CBR4: variants seen among roughly 807,000 people sequenced by gnomAD.
CBR4 encodes the protein carbonyl reductase 4, also known as 3-oxoacyl-[acyl-carrier-protein] reductase.
CBR4 carries 22 observed loss-of-function variants against 21.0 expected under a neutral mutation model. That is an observed-to-expected ratio of 1.05 (90% CI 0.75 to 1.50). The LOEUF (loss-of-function observed/expected upper bound fraction) is 1.50. Ranked by LOEUF, CBR4 falls within the 40% of genes most tolerant of loss-of-function variation. The pLI, the probability that CBR4 is intolerant of heterozygous loss-of-function variation, is 0.00. For synonymous variants in CBR4, 100 were observed against 104.4 expected (o/e 0.96, Z 0.26); for missense variants, 302 against 286.3 (o/e 1.05, Z -0.40).
At position 169,010,201 on chromosome 4, in the gene CBR4, G is replaced by C; in HGVS notation, c.-112C>G. 6.0e-5 allele frequency: 54 copies of C among 905,274 alleles called. No individual in the cohort carries two copies. Among genetic ancestry groups the C allele is most frequent in the East Asian group, 9.5e-5 (3 of 31,418 alleles). 56.1% of individuals were successfully genotyped at this position (905,274 alleles called of 1,614,324 possible). Reference sequence around the variant, plus strand: ...AAAAAAAAAAAAAAGAAAAAAAAAGGCAAACCGCAAAAAAAAATAACGCCG... The same window carrying C: ...AAAAAAAAAAAAAAGAAAAAAAAAGCCAAACCGCAAAAAAAAATAACGCCG... On this transcript the variant is annotated 5_prime_UTR_variant, in exon 1 of 5. Coordinates refer to ENST00000306193, the MANE Select transcript of CBR4 (RefSeq NM_032783.5).
chr4:168,999,585 A>T (rs1057042499), intron 4 of CBR4, among the ~76,000 whole-genome samples: 6 of 150,100 alleles, frequency 4.0e-5, no homozygotes, highest in African/African-American at 1.2e-4. Context: ...ATGCTCTATA[A>T]GGGTTGTATG....
intron 1 of CBR4, among the ~76,000 whole-genome samples, chr4:169,008,047 T>G (rs1731068512): frequency 6.6e-6 from 1 of 152,216 alleles, no homozygotes; most frequent in Non-Finnish European, 1.5e-5. Context: ...AAGATTCATC[T>G]AATATTTATA....
At chr4:168,932,047 C>A (rs552410949) in intron 2 of CBR4, among the ~76,000 whole-genome samples, 1 of 152,100 alleles carries the variant, frequency 6.6e-6, no homozygotes, top group East Asian at 1.9e-4. Flanking sequence ...AAACAAGAAA[C>A]CATGATACCT....
chr4:168,931,051 G>A (rs1335950645), intron 2 of CBR4, among the ~76,000 whole-genome samples: 1 of 152,194 alleles, frequency 6.6e-6, no homozygotes, highest in Non-Finnish European at 1.5e-5. Context: ...CAACCCTGGA[G>A]GCTCAGAACC....
chr4:168,951,200 A>C (rs1039972463), intron 2 of CBR4, among the ~76,000 whole-genome samples: 1 of 152,120 alleles, frequency 6.6e-6, no homozygotes, highest in Non-Finnish European at 1.5e-5. Flanking sequence ...CTGGGATTAC[A>C]GGCACCCACC....
chr4:169,010,169 CG>C lies in CBR4; in HGVS notation c.-81del. Reference sequence around the variant, plus strand: ...GTTCCCTCAGGCTTTTAAACAACCGCGGTTCCAAAAAAAAAAAAAAGAAAAA... The same window carrying C: ...GTTCCCTCAGGCTTTTAAACAACCGCGTTCCAAAAAAAAAAAAAAGAAAAA... On this transcript the variant is annotated 5_prime_UTR_variant, in exon 1 of 5. Coordinates refer to ENST00000306193, the MANE Select transcript of CBR4 (RefSeq NM_032783.5). 2.0e-6 allele frequency: 2 copies of C among 1,006,682 alleles called. No individual in the cohort carries two copies. Among genetic ancestry groups the C allele is most frequent in the Non-Finnish European group, 2.6e-6 (2 of 780,930 alleles). 62.4% of individuals were successfully genotyped at this position (1,006,682 alleles called of 1,614,324 possible). A position where few individuals can be genotyped will look rare whatever the true frequency, so the allele number is the denominator to read the frequency against.
At position 169,002,165 on chromosome 4, in the gene CBR4, A is replaced by G. The variant is rs1404777320; in HGVS notation, c.441T>C (p.Val147=). Residue 147 remains valine, a synonymous_variant, in exon 4 of 5, where the codon GTT becomes GTC. Coordinates refer to ENST00000306193, the MANE Select transcript of CBR4 (RefSeq NM_032783.5). ...CTAATCCTCCTTTACTGGCACTGTA[A>G]ACGGACTGGCCAGAGTTGCCTTTTA... The part of the protein sequence containing the change: ...VGLKGNSGQS[V]YSASKGGLVG... 2 of 1,577,888 alleles carry G rather than the reference A, an allele frequency of 1.3e-6. No individual in the cohort carries two copies. The highest frequency in any genetic ancestry group is 2.3e-5 in the South Asian group (2 of 86,042).
At chr4:168,970,186 T>A (rs1198929978) in intron 2 of CBR4, among the ~76,000 whole-genome samples, 1 of 152,208 alleles carries the variant, frequency 6.6e-6, no homozygotes, top group African/African-American at 2.4e-5. Context: ...TTGTAATCAG[T>A]CTTTGCTATC....
At chr4:168,962,755 A>G (rs1763899618) in intron 2 of CBR4, among the ~76,000 whole-genome samples, 1 of 152,242 alleles carries the variant, frequency 6.6e-6, no homozygotes, top group Admixed American at 6.5e-5. Context: ...GTGTTGAATA[A>G]GAAGACAGCC....
intron 2 of CBR4, among the ~76,000 whole-genome samples, chr4:168,912,865 C>T (rs1221550605): frequency 6.6e-6 from 1 of 152,134 alleles, no homozygotes; most frequent in Non-Finnish European, 1.5e-5. Context: ...CTGGCTATCT[C>T]CCCGACCCCA....
In CBR4 at chr4:168,987,809, C is replaced by A. The variant is rs1396735488; in HGVS notation, c.*2341G>T. Reference sequence around the variant, plus strand: ...TATCCTCTTTGCACAATTATTCCCCCCAAAACTAATTTATAACATATAATT... The same window carrying A: ...TATCCTCTTTGCACAATTATTCCCCACAAAACTAATTTATAACATATAATT... On this transcript the variant is annotated 3_prime_UTR_variant, in exon 5 of 5. Coordinates refer to ENST00000306193, the MANE Select transcript of CBR4 (RefSeq NM_032783.5). 4.1e-5 allele frequency: 40 copies of A among 980,268 alleles called. No individual in the cohort carries two copies. The highest frequency in any genetic ancestry group is 4.8e-5 in the Non-Finnish European group (40 of 825,478). 60.7% of individuals were successfully genotyped at this position (980,268 alleles called of 1,614,324 possible). A position where few individuals can be genotyped will look rare whatever the true frequency, so the allele number is the denominator to read the frequency against.
intron 2 of CBR4, among the ~76,000 whole-genome samples, chr4:168,965,958 C>T (rs945606488): frequency 5.9e-5 from 9 of 152,086 alleles, no homozygotes; most frequent in Non-Finnish European, 8.8e-5. Context: ...AGTGAACAGG[C>T]AACCTACAGA....
intron 3 of CBR4, chr4:169,005,175 G>A (rs979808263): frequency 6.6e-6 from 1 of 152,018 alleles, no homozygotes; most frequent in African/African-American, 2.4e-5. Context: ...ATGGATAGAG[G>A]GGTGTTTATC....
chr4:168,897,982 A>G (rs1477661996), intron 2 of CBR4: 1 of 149,730 alleles, frequency 6.7e-6, no homozygotes, highest in Admixed American at 6.6e-5. Flanking sequence ...TTTTTCTATT[A>G]TTCTTTTACT....
intron 2 of CBR4, among the ~76,000 whole-genome samples, chr4:168,913,758 C>G (rs1582134383): frequency 6.6e-6 from 1 of 152,058 alleles, no homozygotes; most frequent in East Asian, 1.9e-4. Context: ...TACTGAGGCA[C>G]TTAACTCACA....
intron 2 of CBR4, among the ~76,000 whole-genome samples, chr4:168,945,674 T>C (rs961805740): frequency 2.0e-5 from 3 of 152,110 alleles, no homozygotes; most frequent in African/African-American, 7.2e-5. Flanking sequence ...ATTTATCCCA[T>C]GAAAATAATA....
chr4:168,989,076 T>C lies in CBR4; in HGVS notation c.*1074A>G. 1.0e-6 allele frequency: 1 copy of C among 984,734 alleles called. No homozygotes were observed. Among genetic ancestry groups the C allele is most frequent in the African/African-American group, 1.7e-5 (1 of 57,368 alleles). The allele number at this position is 984,734 out of a possible 1,614,324, so 61.0% of individuals were successfully genotyped here. A position where few individuals can be genotyped will look rare whatever the true frequency, so the allele number is the denominator to read the frequency against. On this transcript the variant is annotated 3_prime_UTR_variant, in exon 5 of 5. Coordinates refer to ENST00000306193, the MANE Select transcript of CBR4 (RefSeq NM_032783.5). ...AATATTCTCACTTAAGACCAGTGCC[T>C]TCACTGCTTCTTGTAAAGACATTTA...
At chr4:168,899,643 A>G (rs562672069) in intron 2 of CBR4, among the ~76,000 whole-genome samples, 1 of 152,156 alleles carries the variant, frequency 6.6e-6, no homozygotes, top group Non-Finnish European at 1.5e-5. Context: ...TTGGCCAAGC[A>G]TGGTGGCTCA....
chr4:168,925,709 AATTT>A (rs1762453131), intron 2 of CBR4, among the ~76,000 whole-genome samples: 1 of 152,160 alleles, frequency 6.6e-6, no homozygotes, highest in African/African-American at 2.4e-5. Context: ...AAAAATTAAG[AATTT>A]ATTTAAGAAT....
Sources: gnomAD v4.1 joint callset for allele counts (sites outside exome capture counted in the v4.1 genomes callset) on GRCh38, gnomAD v4.1.1 for gene constraint, MANE v1.5 for transcripts, NCBI Gene and HGNC (gene_info 2026-07-23, HGNC 2026-07-21) for gene names.